TMEM209: variants seen among roughly 807,000 people sequenced by gnomAD.
The protein encoded by TMEM209 is testicular tissue protein Li 202.
Under a neutral mutation model 76.2 loss-of-function variants are expected in TMEM209, and 65 were observed. The ratio of observed to expected loss-of-function variants is 0.85; its 90% confidence interval spans 0.70 to 1.05. TMEM209 has a LOEUF of 1.05. Among genes scored for constraint, TMEM209 ranks in the 50% least tolerant of loss-of-function variants. The pLI is 0.00. For synonymous variants in TMEM209, 239 were observed against 237.6 expected (o/e 1.01, Z -0.06); for missense variants, 623 against 685.5 (o/e 0.91, Z 1.02).
intron 9 of TMEM209, 108 bp downstream of exon 9, chr7:130,181,515 G>T: frequency 1.1e-6 from 1 of 891,144 alleles, no homozygotes; most frequent in Non-Finnish European, 1.7e-6. Context: ...GACATTTGGG[G>T]TTTTTCACCC....
rs1796881462 is a variant in TMEM209, at chr7:130,166,309, T to C, written c.*142A>G. The C allele has an allele frequency of 3.9e-6, 2 of 517,846 alleles. No individual in the cohort carries two copies. The highest frequency in any genetic ancestry group is 8.1e-5 in the Admixed American group (2 of 24,620). 32.1% of individuals were successfully genotyped at this position (517,846 alleles called of 1,614,324 possible). On this transcript the variant is annotated 3_prime_UTR_variant, in exon 15 of 15. Coordinates refer to ENST00000397622, the MANE Select transcript of TMEM209 (RefSeq NM_032842.4). ...TTTTACAATTACATTTCATAACAGCTACATTTTCTGTTAAATCTAAAGAGT... is the reference window on the plus strand; with the variant it reads ...TTTTACAATTACATTTCATAACAGCCACATTTTCTGTTAAATCTAAAGAGT...
Position 130,184,359 on chromosome 7 carries a change from A to G in TMEM209, c.952-104T>C, listed in dbSNP as rs187686570. 611 of 822,106 alleles carry G rather than the reference A, an allele frequency of 7.4e-4. 2 individuals are homozygous for G. The highest frequency in any genetic ancestry group is 4.0e-4 in the Non-Finnish European group (217 of 539,862). The allele number at this position is 822,106 out of a possible 1,614,324, so 50.9% of individuals were successfully genotyped here. A position where few individuals can be genotyped will look rare whatever the true frequency, so the allele number is the denominator to read the frequency against. On this transcript the variant is annotated intron_variant, in intron 7 of 14. Coordinates refer to ENST00000397622, the MANE Select transcript of TMEM209 (RefSeq NM_032842.4). Reference sequence around the variant, plus strand: ...AAAAATATTTAATGAACTTTGAAAAAAAATTTCCCAAACATCAATATTCAT... The same window carrying G: ...AAAAATATTTAATGAACTTTGAAAAGAAATTTCCCAAACATCAATATTCAT...
intron 9 of TMEM209, 26 bp from the exon 10 acceptor site, chr7:130,178,553 C>T (rs1180523064): frequency 2.0e-5 from 32 of 1,610,578 alleles, no homozygotes; most frequent in East Asian, 1.1e-4. Flanking sequence ...ACAGAGAACA[C>T]TGATTATTCT....
intron 14 of TMEM209, among the ~76,000 whole-genome samples, chr7:130,168,478 GAAT>G (rs548441465): frequency 2.6e-5 from 4 of 151,964 alleles, no homozygotes; most frequent in Non-Finnish European, 5.9e-5. Context: ...TAACAACATG[GAAT>G]AATAACAATA....
chr7:130,204,001 G>A lies in TMEM209; in HGVS notation c.113C>T (p.Ser38Phe). ...VVLAWGLLNV[S>F]MAGMIYTEMT... ...TTCAGTATATATCATTCCAGCCATA[G>A]ATACATTTAGGAGTCCCCAGGCTAA... Residue 38 changes from serine (S) to phenylalanine (F), a missense_variant, in exon 2 of 15, where the codon TCT becomes TTT. Ser to Phe is a radical substitution (Grantham distance 155). Transcript: ENST00000397622. 1 of 1,613,678 alleles carries A rather than the reference G, an allele frequency of 6.2e-7. No individual in the cohort carries two copies. Among genetic ancestry groups the A allele is most frequent in the Non-Finnish European group, 8.5e-7 (1 of 1,179,810 alleles).
At chr7:130,192,897 T>G in intron 5 of TMEM209, 74 bp from the exon 6 acceptor site, 1 of 1,426,994 alleles carries the variant, frequency 7.0e-7, no homozygotes, top group South Asian at 1.2e-5. Context: ...TTGACTTAAG[T>G]AAAACACCTA....
chr7:130,179,877 G>A (rs538073324), intron 9 of TMEM209, among the ~76,000 whole-genome samples: 37 of 152,224 alleles, frequency 2.4e-4, no homozygotes, highest in African/African-American at 8.2e-4. Flanking sequence ...GAGGTGAGAG[G>A]ATCTCTTGAG....
intron 12 of TMEM209, 37 bp downstream of exon 12, chr7:130,173,788 G>C (rs1180577563): frequency 6.2e-7 from 1 of 1,604,554 alleles, no homozygotes; most frequent in East Asian, 2.2e-5. Context: ...TATTTTGTGT[G>C]AAAATCTCAA....
At chr7:130,176,716 T>A (rs1367987918) in intron 10 of TMEM209, among the ~76,000 whole-genome samples, 1 of 152,194 alleles carries the variant, frequency 6.6e-6, no homozygotes, top group Non-Finnish European at 1.5e-5. Flanking sequence ...ATGGGAAGCA[T>A]ATAGCTTAAA....
intron 5 of TMEM209, among the ~76,000 whole-genome samples, chr7:130,196,119 A>C (rs942345344): frequency 6.6e-6 from 1 of 152,146 alleles, no homozygotes; most frequent in African/African-American, 2.4e-5. Context: ...GATACACAGG[A>C]GTTTACTATA....
intron 8 of TMEM209, among the ~76,000 whole-genome samples, chr7:130,182,876 G>T (rs1797469374): frequency 6.6e-6 from 1 of 152,174 alleles, no homozygotes; most frequent in South Asian, 2.1e-4. Flanking sequence ...GAATTCACAT[G>T]AAGCTATTTA....
chr7:130,205,343 G>C (rs373001266), intron 1 of TMEM209, 30 bp downstream of exon 1: 1 of 1,613,842 alleles, frequency 6.2e-7, no homozygotes, highest in African/African-American at 1.3e-5. Flanking sequence ...TTCCAAGACA[G>C]GAAGCACAAA....
Position 130,166,422 on chromosome 7 carries a change from C to A in TMEM209, c.*29G>T. 2 of 1,526,460 alleles carry A rather than the reference C, an allele frequency of 1.3e-6. No homozygotes were observed. Among genetic ancestry groups the A allele is most frequent in the Non-Finnish European group, 1.8e-6 (2 of 1,135,786 alleles). 94.6% of individuals were successfully genotyped at this position (1,526,460 alleles called of 1,614,324 possible). A position where few individuals can be genotyped will look rare whatever the true frequency, so the allele number is the denominator to read the frequency against. ...TCGACTTCTGGTTCAGTGAAATAGT[C>A]TAAATGTCAGAATTAAATATATGAC... On this transcript the variant is annotated 3_prime_UTR_variant, in exon 15 of 15. Coordinates refer to ENST00000397622, the MANE Select transcript of TMEM209 (RefSeq NM_032842.4).
At position 130,185,211 on chromosome 7, in the gene TMEM209, G is replaced by A; in HGVS notation, c.932C>T (p.Ser311Phe). Residue 311 changes from serine to phenylalanine, a missense_variant, in exon 7 of 15, where the codon TCT becomes TTT. By Grantham distance (155) the Ser-to-Phe change is radical (BLOSUM62 -2). Coordinates refer to ENST00000397622, the MANE Select transcript of TMEM209 (RefSeq NM_032842.4). ...CANKDEADLSSKQAAEEVWAR... is the reference protein window; with the variant it reads ...CANKDEADLSFKQAAEEVWAR... The stretch of plus-strand genomic sequence containing the variant: ...ACTTACCTCTTCTGCGGCTTGTTTA[G>A]AGCTGAGATCGGCTTCATCTTTGTT... 6.2e-7 allele frequency: 1 copy of A among 1,613,576 alleles called. No individual in the cohort carries two copies.
At chr7:130,175,428 C>T in intron 11 of TMEM209, 84 bp downstream of exon 11, 2 of 1,334,918 alleles carry the variant, frequency 1.5e-6, no homozygotes, top group Admixed American at 2.0e-5. Flanking sequence ...TGCCACTGCA[C>T]TACAGCCTGG....
At chr7:130,179,704 A>C (rs1797348111) in intron 9 of TMEM209, among the ~76,000 whole-genome samples, 1 of 152,160 alleles carries the variant, frequency 6.6e-6, no homozygotes, top group Non-Finnish European at 1.5e-5. Context: ...ATCCAGATGC[A>C]TTGGCTCATG....
intron 11 of TMEM209, chr7:130,175,163 A>C (rs556429458): frequency 5.5e-5 from 10 of 182,788 alleles, no homozygotes; most frequent in Non-Finnish European, 9.0e-5. Context: ...AACTGAAAAA[A>C]ACAAAATAAA....
intron 5 of TMEM209, among the ~76,000 whole-genome samples, chr7:130,195,081 A>AAGT (rs1379404857): frequency 5.3e-5 from 8 of 152,070 alleles, no homozygotes; most frequent in Non-Finnish European, 1.0e-4. Flanking sequence ...GTCTATGGGG[A>AAGT]AGTATCCTGT....
At position 130,201,709 on chromosome 7, in the gene TMEM209, TC is replaced by T. The variant is rs1798207335; in HGVS notation, c.573+140del. On this transcript the variant is annotated intron_variant, in intron 5 of 14. Coordinates refer to ENST00000397622, the MANE Select transcript of TMEM209 (RefSeq NM_032842.4). ...AGATGTTGTGTTTAAGATATTATGT[TC>T]TATTCTCGGTTTTTAAATGGGTGTT... 2.9e-6 allele frequency: 3 copies of T among 1,031,056 alleles called. No individual in the cohort carries two copies. The East Asian group carries it at 7.8e-5, about 27-fold the overall frequency. The allele number at this position is 1,031,056 out of a possible 1,614,324, so 63.9% of individuals were successfully genotyped here. A position where few individuals can be genotyped will look rare whatever the true frequency, so the allele number is the denominator to read the frequency against.
Sources: gnomAD v4.1 joint callset for allele counts (sites outside exome capture counted in the v4.1 genomes callset) on GRCh38, gnomAD v4.1.1 for gene constraint, MANE v1.5 for transcripts, NCBI Gene and HGNC (gene_info 2026-07-23, HGNC 2026-07-21) for gene names.